The following CERKL variants were observed in gnomAD, a reference collection of about 807,000 sequenced individuals.
CERKL encodes ceramide kinase-like protein.
In CERKL, 61 loss-of-function variants were observed where a neutral mutation model predicts 63.4. The observed-to-expected ratio is 0.96, with a 90% confidence interval of 0.78 to 1.19. CERKL has a LOEUF of 1.19. Among genes scored for constraint, CERKL ranks in the 50% most tolerant of loss-of-function variants. The pLI is 0.00. For missense variants in CERKL, 675 were observed against 655.5 expected, an observed-to-expected ratio of 1.03 and a Z score of -0.33; for synonymous variants, 250 against 230.5, an observed-to-expected ratio of 1.08 and a Z score of -0.77.
At chr2:181,627,644 G>T (rs922076559) in intron 1 of CERKL, among the ~76,000 whole-genome samples, 1 of 152,176 alleles carries the variant, frequency 6.6e-6, no homozygotes, top group African/African-American at 2.4e-5. Context: ...GTGGGGAATA[G>T]AAATTTGATG....
At chr2:181,651,069 G>T (rs951649287) in intron 1 of CERKL, among the ~76,000 whole-genome samples, 2 of 152,126 alleles carry the variant, frequency 1.3e-5, no homozygotes, top group Admixed American at 6.5e-5. Flanking sequence ...GCCCAGAAAC[G>T]AATGGCTTCA....
chr2:181,538,610 G>A (rs1574425633), intron 12 of CERKL, among the ~76,000 whole-genome samples: 1 of 152,216 alleles, frequency 6.6e-6, no homozygotes, highest in Middle Eastern at 3.4e-3. Context: ...TATACCAGTT[G>A]CTATGTAAAA....
chr2:181,615,139 C>T (rs1476771845), intron 1 of CERKL, among the ~76,000 whole-genome samples: 1 of 152,088 alleles, frequency 6.6e-6, no homozygotes, highest in East Asian at 1.9e-4. Flanking sequence ...GGGTATCATG[C>T]TATTTATTTA....
chr2:181,611,379 G>A (rs902185064), intron 1 of CERKL, among the ~76,000 whole-genome samples: 1 of 152,074 alleles, frequency 6.6e-6, no homozygotes, highest in African/African-American at 2.4e-5. Context: ...AAATGTAGAG[G>A]TCAGTGTAGT....
rs138988730 is a variant in CERKL at position 181,645,255 on chromosome 2, T to A, written c.238+11514A>T. On this transcript the variant is annotated intron_variant, in intron 1 of 12. Coordinates refer to ENST00000410087, the MANE Select transcript of CERKL (RefSeq NM_201548.5). ...GTTAATGAGGAGTTGGTATCAAGTA[T>A]ATAGGAATGTAGTCACCAAGTTATA... Among the ~76,000 whole-genome samples the A allele has an allele frequency of 3.3e-5, 5 of 152,316 alleles. No homozygotes were observed. The East Asian group carries it at 9.6e-4, about 29-fold the overall frequency.
chr2:181,607,050 T>C (rs906057861), intron 1 of CERKL, among the ~76,000 whole-genome samples: 6 of 152,194 alleles, frequency 3.9e-5, no homozygotes, highest in Non-Finnish European at 8.8e-5. Flanking sequence ...TATCTATAAT[T>C]ATTGTATTCA....
chr2:181,572,145 C>T (rs1050713477), intron 3 of CERKL, among the ~76,000 whole-genome samples: 13 of 152,058 alleles, frequency 8.5e-5, no homozygotes, highest in African/African-American at 3.1e-4. Context: ...TTTTACAGTA[C>T]ATGCCTGTTA....
At chr2:181,620,469 C>T (rs1686399363) in intron 1 of CERKL, among the ~76,000 whole-genome samples, 1 of 152,140 alleles carries the variant, frequency 6.6e-6, no homozygotes, top group South Asian at 2.1e-4. Flanking sequence ...ATTCAGTTAT[C>T]CCCTCAATGC....
intron 11 of CERKL, among the ~76,000 whole-genome samples, chr2:181,540,407 T>C (rs529987235): frequency 3.3e-5 from 5 of 152,316 alleles, no homozygotes; most frequent in African/African-American, 1.2e-4. Flanking sequence ...ACCCCAACTA[T>C]GTTCAAGTCC....
intron 2 of CERKL, among the ~76,000 whole-genome samples, chr2:181,577,749 G>A (rs1217659695): frequency 6.6e-6 from 1 of 152,114 alleles, no homozygotes; most frequent in Non-Finnish European, 1.5e-5. Context: ...GGTGGAAGAG[G>A]TAAGAATTGT....
intron 2 of CERKL, among the ~76,000 whole-genome samples, chr2:181,592,634 TG>T (rs1326056322): frequency 6.6e-6 from 1 of 152,206 alleles, no homozygotes; most frequent in Non-Finnish European, 1.5e-5. Flanking sequence ...TTACAGGCTA[TG>T]GAGTACGCCT....
chr2:181,642,128 T>C (rs1559120610), intron 1 of CERKL, among the ~76,000 whole-genome samples: 1 of 152,244 alleles, frequency 6.6e-6, no homozygotes, highest in South Asian at 2.1e-4. Flanking sequence ...ACTAAATTTT[T>C]TTCTAAAGAG....
chr2:181,654,132 T>C (rs1341544407), intron 1 of CERKL, among the ~76,000 whole-genome samples: 1 of 151,852 alleles, frequency 6.6e-6, no homozygotes, highest in East Asian at 1.9e-4. Flanking sequence ...CATAACTTTA[T>C]ATCACACATT....
chr2:181,653,625 T>C (rs1241636212), intron 1 of CERKL, among the ~76,000 whole-genome samples: 1 of 152,166 alleles, frequency 6.6e-6, no homozygotes, highest in Non-Finnish European at 1.5e-5. Flanking sequence ...GGACATCGTG[T>C]TAAGAGAAGT....
intron 1 of CERKL, among the ~76,000 whole-genome samples, chr2:181,609,178 C>T (rs950284461): frequency 6.6e-6 from 1 of 151,900 alleles, no homozygotes; most frequent in Admixed American, 6.6e-5. Context: ...CATATGTATA[C>T]ATGTGCCACG....
intron 4 of CERKL, among the ~76,000 whole-genome samples, chr2:181,559,996 C>T (rs924092440): frequency 6.6e-6 from 1 of 152,092 alleles, no homozygotes. Flanking sequence ...GCAATATGAC[C>T]ACCTATTCAG....
intron 11 of CERKL, among the ~76,000 whole-genome samples, chr2:181,541,566 C>T (rs554650530): frequency 2.6e-5 from 4 of 152,236 alleles, no homozygotes; most frequent in Non-Finnish European, 5.9e-5. Flanking sequence ...AAGAGAAAGG[C>T]ACTGAAGAAT....
At chr2:181,571,737 A>G (rs571409269) in intron 3 of CERKL, among the ~76,000 whole-genome samples, 20 of 152,094 alleles carry the variant, frequency 1.3e-4, no homozygotes, top group Non-Finnish European at 2.4e-4. Context: ...CAGAATCCAG[A>G]TTCAGCTGAG....
chr2:181,623,441 T>A (rs956688912), intron 1 of CERKL, among the ~76,000 whole-genome samples: 11 of 152,226 alleles, frequency 7.2e-5, no homozygotes, highest in Non-Finnish European at 2.9e-5. Flanking sequence ...GTGTTTGTGT[T>A]AACTATCCCT....
Sources: gnomAD v4.1 joint callset for allele counts (sites outside exome capture counted in the v4.1 genomes callset) on GRCh38, gnomAD v4.1.1 for gene constraint, MANE v1.5 for transcripts, NCBI Gene and HGNC (gene_info 2026-07-23, HGNC 2026-07-21) for gene names.